Variants in PALM2AKAP2 observed in about 807,000 individuals in gnomAD.
PALM2AKAP2 encodes PALM2-AKAP2 fusion protein.
In PALM2AKAP2, 37 loss-of-function variants were observed where a neutral mutation model predicts 71.5. That is an observed-to-expected ratio of 0.52 (90% CI 0.40 to 0.68). The LOEUF is 0.68. PALM2AKAP2 is among the 30% of genes least tolerant of loss of function. The pLI, the probability that PALM2AKAP2 is intolerant of heterozygous loss-of-function variation, is 0.00. For synonymous variants in PALM2AKAP2, 468 were observed against 478.8 expected (o/e 0.98, Z 0.29); for missense variants, 1,224 against 1,191.8 (o/e 1.03, Z -0.40).
At chr9:109,959,513 C>T (rs1316985992) in intron 6 of PALM2AKAP2, among the ~76,000 whole-genome samples, 5 of 152,026 alleles carry the variant, frequency 3.3e-5, no homozygotes, top group African/African-American at 7.2e-5. Context: ...GGCATGGTGG[C>T]GGGCGCCTGT....
At chr9:110,030,304 G>A (rs1044422620) in intron 7 of PALM2AKAP2, among the ~76,000 whole-genome samples, 4 of 152,204 alleles carry the variant, frequency 2.6e-5, no homozygotes, top group Non-Finnish European at 4.4e-5. Flanking sequence ...TGTGACAGAA[G>A]TCTGTTCAGA....
intron 1 of PALM2AKAP2, among the ~76,000 whole-genome samples, chr9:109,726,764 T>C (rs924137238): frequency 6.6e-6 from 1 of 152,188 alleles, no homozygotes; most frequent in African/African-American, 2.4e-5. Context: ...TAGAACTGTA[T>C]AGTCAAATAC....
intron 1 of PALM2AKAP2, among the ~76,000 whole-genome samples, chr9:110,115,056 T>A (rs1335456923): frequency 6.6e-6 from 1 of 152,246 alleles, no homozygotes; most frequent in Non-Finnish European, 1.5e-5. Flanking sequence ...AGAAATTCCA[T>A]GCTTTCCTTC....
chr9:110,086,927 A>G (rs931982762), intron 1 of PALM2AKAP2, among the ~76,000 whole-genome samples: 4 of 151,688 alleles, frequency 2.6e-5, no homozygotes, highest in African/African-American at 9.7e-5. Context: ...CAATGATTTG[A>G]CCCCCTACCC....
chr9:109,996,209 A>C (rs891085019), intron 6 of PALM2AKAP2, among the ~76,000 whole-genome samples: 69 of 152,366 alleles, frequency 4.5e-4, no homozygotes, highest in Admixed American at 4.4e-3. Flanking sequence ...CAAATGTTAA[A>C]TATGTTTCCA....
intron 1 of PALM2AKAP2, among the ~76,000 whole-genome samples, chr9:109,642,355 A>G (rs1827082373): frequency 6.6e-6 from 1 of 151,772 alleles, no homozygotes; most frequent in Admixed American, 6.6e-5. Flanking sequence ...ATACATACAC[A>G]TATAAGGTTC....
chr9:109,883,635 C>T (rs1829904532), intron 3 of PALM2AKAP2, among the ~76,000 whole-genome samples: 1 of 152,198 alleles, frequency 6.6e-6, no homozygotes. Flanking sequence ...TATCTCTCTT[C>T]CCATAAAGGA....
chr9:109,986,872 T>A (rs563105763), intron 6 of PALM2AKAP2, among the ~76,000 whole-genome samples: 1 of 152,216 alleles, frequency 6.6e-6, no homozygotes, highest in Non-Finnish European at 1.5e-5. Flanking sequence ...CACATGCCCC[T>A]CCTCAATAGA....
At chr9:110,016,019 G>C (rs781609321) in exon 7 of PALM2AKAP2, 8 of 1,613,794 alleles carry the variant, frequency 5.0e-6, no homozygotes, top group African/African-American at 1.3e-5. Flanking sequence ...AGAAACATCC[G>C]GCCCAGACAT....
intron 1 of PALM2AKAP2, among the ~76,000 whole-genome samples, chr9:110,087,361 A>G (rs559872875): frequency 6.6e-6 from 1 of 152,358 alleles, no homozygotes; most frequent in Admixed American, 6.5e-5. Context: ...ATCACTGCAC[A>G]GTACCTGACC....
At chr9:109,694,756 T>A (rs1399122555) in intron 1 of PALM2AKAP2, among the ~76,000 whole-genome samples, 1 of 152,090 alleles carries the variant, frequency 6.6e-6, no homozygotes, top group East Asian at 1.9e-4. Context: ...CAGTGGTAAC[T>A]GGCCCTCCAT....
At chr9:110,012,444 C>T (rs1310046167) in intron 6 of PALM2AKAP2, among the ~76,000 whole-genome samples, 4 of 152,080 alleles carry the variant, frequency 2.6e-5, no homozygotes, top group Non-Finnish European at 1.5e-5. Flanking sequence ...GATGTGGGAC[C>T]CACATTTTCA....
chr9:109,679,799 A>G (rs967343806), intron 1 of PALM2AKAP2, among the ~76,000 whole-genome samples: 3 of 152,192 alleles, frequency 2.0e-5, no homozygotes, highest in Non-Finnish European at 4.4e-5. Flanking sequence ...CTGGTTGATT[A>G]TTAGACTATC....
At chr9:109,855,072 C>A (rs994729996) in intron 1 of PALM2AKAP2, among the ~76,000 whole-genome samples, 2 of 146,582 alleles carry the variant, frequency 1.4e-5, no homozygotes, top group Non-Finnish European at 3.0e-5. Flanking sequence ...CTGGTGCCCC[C>A]CCCTTTTTTT....
At chr9:109,967,024 G>A (rs7869717) in intron 6 of PALM2AKAP2, among the ~76,000 whole-genome samples, 7,276 of 152,268 alleles carry the variant, frequency 0.048, 217 homozygotes, top group Middle Eastern at 0.058. Context: ...TATGTTCTAT[G>A]CTGTTGTTGT....
intron 3 of PALM2AKAP2, among the ~76,000 whole-genome samples, chr9:109,902,091 G>A (rs1251189486): frequency 1.3e-5 from 2 of 152,118 alleles, no homozygotes; most frequent in Admixed American, 6.5e-5. Flanking sequence ...CAGATGCAGC[G>A]AAAAGGGTAC....
At chr9:109,865,664 C>T (rs1268668865) in intron 1 of PALM2AKAP2, among the ~76,000 whole-genome samples, 1 of 152,206 alleles carries the variant, frequency 6.6e-6, no homozygotes, top group East Asian at 1.9e-4. Flanking sequence ...GTAATGAGAA[C>T]ACATGACACT....
chr9:109,920,707 T>G (rs1223341282), intron 3 of PALM2AKAP2, among the ~76,000 whole-genome samples: 1 of 152,072 alleles, frequency 6.6e-6, no homozygotes, highest in Non-Finnish European at 1.5e-5. Context: ...CTGCACACCC[T>G]AAATATCTGC....
chr9:110,079,451 G>A (rs1051776871), intron 1 of PALM2AKAP2, among the ~76,000 whole-genome samples: 36 of 152,238 alleles, frequency 2.4e-4, no homozygotes, highest in African/African-American at 7.5e-4. Context: ...AGCCGAGATC[G>A]TGCCACTGGA....
Sources: allele counts gnomAD v4.1 joint callset (sites outside exome capture counted in the v4.1 genomes callset), GRCh38; gene constraint gnomAD v4.1.1; transcripts MANE v1.5; gene names NCBI Gene and HGNC (gene_info 2026-07-23, HGNC 2026-07-21).